NOD2: variants seen among roughly 807,000 people sequenced by gnomAD.
NOD2 encodes the protein nucleotide binding oligomerization domain containing 2.
NOD2 carries 86 observed loss-of-function variants against 90.9 expected under a neutral mutation model. The observed-to-expected ratio is 0.95, with a 90% CI of 0.79 to 1.13. The LOEUF (loss-of-function observed/expected upper bound fraction) is 1.13. NOD2 is among the 50% of genes most tolerant of loss of function. The pLI is 0.00. For synonymous variants in NOD2, 581 were observed against 554.6 expected, an observed-to-expected ratio of 1.05 and a Z score of -0.67; for missense variants, 1,238 against 1,283.8, an observed-to-expected ratio of 0.96 and a Z score of 0.55.
At chr16:50,712,408 G>A (rs1220763346) in intron 4 of NOD2, 35 bp downstream of exon 4, 1 of 1,610,784 alleles carries the variant, frequency 6.2e-7, no homozygotes, top group Non-Finnish European at 8.5e-7. Context: ...TCAGGTATGG[G>A]GGAGCACCAT....
chr16:50,706,770 C>T (rs1964212269), intron 2 of NOD2, among the ~76,000 whole-genome samples: 1 of 147,630 alleles, frequency 6.8e-6, no homozygotes, highest in African/African-American at 2.5e-5. Flanking sequence ...GATCTCGGCT[C>T]ACTGCAACCT....
At chr16:50,722,526 G>T in intron 7 of NOD2, 96 bp from the exon 8 acceptor site, 2 of 1,201,088 alleles carry the variant, frequency 1.7e-6, no homozygotes, top group Non-Finnish European at 2.5e-6. Context: ...TGCCCCTCTG[G>T]CTGGGACTGC....
chr16:50,697,090 C>T, intron 1 of NOD2: 2 of 737,734 alleles, frequency 2.7e-6, no homozygotes, highest in South Asian at 3.1e-5. Flanking sequence ...GGTTGGCCAA[C>T]TCTGGCCTCC....
Position 50,710,906 on chromosome 16 carries a change from G to A in NOD2, c.914G>A (p.Ser305Asn). The A allele has an allele frequency of 6.2e-7, 1 of 1,614,156 alleles. No homozygotes were observed. Among genetic ancestry groups the A allele is most frequent in the South Asian group, 1.1e-5 (1 of 91,086 alleles). Residue 305 changes from serine (S) to asparagine (N), a missense_variant, in exon 4 of 12, where the codon AGC (serine) becomes AAC (asparagine). Ser to Asn is a conservative substitution (Grantham distance 46). Coordinates refer to ENST00000647318, the MANE Select transcript of NOD2 (RefSeq NM_001370466.1). ...FQEFLFVFPF[S>N]CRQLQCMAKP... The stretch of plus-strand genomic sequence containing the variant: ...GAATTTCTCTTTGTCTTCCCATTCA[G>A]CTGCCGGCAGCTGCAGTGCATGGCC...
intron 10 of NOD2, chr16:50,727,864 A>G (rs1965320278): frequency 2.8e-6 from 1 of 356,884 alleles, no homozygotes; most frequent in East Asian, 7.7e-5. Context: ...AGGGGATCAG[A>G]CTAGCAGCAG....
At position 50,699,806 on chromosome 16, in the gene NOD2, C is replaced by T. The variant is rs1567381069; in HGVS notation, c.311C>T (p.Ala104Val). The change falls in exon 2 of 12, where the codon GCC (alanine) becomes GTC (valine). Residue 104 changes from alanine (A) to valine (V), a missense_variant. By Grantham distance (64) the Ala-to-Val change is moderately conservative. Transcript: ENST00000647318. ...TGGGACCCCCACTCGCTCCACCCAG[C>T]CCGAGACCTGCAGAGTCACCGGCCA... ...GCWDPHSLHP[A>V]RDLQSHRPAI... The T allele has an allele frequency of 6.2e-7, 1 of 1,613,708 alleles. No homozygotes were observed. Among genetic ancestry groups the T allele is most frequent in the South Asian group, 1.1e-5 (1 of 91,078 alleles).
chr16:50,703,482 A>C (rs1964032861), intron 2 of NOD2, among the ~76,000 whole-genome samples: 2 of 152,196 alleles, frequency 1.3e-5, no homozygotes, highest in South Asian at 4.2e-4. Flanking sequence ...TACTAAAAAT[A>C]CAAAAAATTA....
At chr16:50,703,853 G>A (rs1334342417) in intron 2 of NOD2, among the ~76,000 whole-genome samples, 1 of 152,174 alleles carries the variant, frequency 6.6e-6, no homozygotes, top group Non-Finnish European at 1.5e-5. Context: ...GAATGAGTCT[G>A]GGGAAATATT....
intron 7 of NOD2, 97 bp downstream of exon 7, chr16:50,720,105 G>A (rs1964987314): frequency 8.9e-7 from 1 of 1,122,294 alleles, no homozygotes; most frequent in Non-Finnish European, 1.3e-6. Context: ...AGGCCCCAGA[G>A]GCAGCCCAGC....
intron 3 of NOD2, among the ~76,000 whole-genome samples, chr16:50,708,795 G>A (rs1181438857): frequency 1.3e-5 from 2 of 152,254 alleles, no homozygotes; most frequent in African/African-American, 2.4e-5. Flanking sequence ...CAGCAAGCAA[G>A]CCTGTGGGCG....
chr16:50,712,417 A>AT, intron 4 of NOD2, 44 bp downstream of exon 4: 1 of 1,609,316 alleles, frequency 6.2e-7, no homozygotes, highest in East Asian at 2.2e-5. Context: ...GGGGAGCACC[A>AT]TCAAGGCTAA....
intron 4 of NOD2, among the ~76,000 whole-genome samples, chr16:50,714,645 T>TGAGA (rs891785149): frequency 7.7e-6 from 1 of 129,102 alleles, no homozygotes; most frequent in African/African-American, 2.7e-5. Context: ...TGTGTGTGTA[T>TGAGA]GAGAGAGAGA....
chr16:50,711,126 C>G lies in NOD2; in HGVS notation c.1134C>G (p.Thr378=). The change falls in exon 4 of 12, where the codon ACC becomes ACG. Residue 378 remains threonine (T), a synonymous_variant. Transcript: ENST00000647318. ...CSPTDPTSVQ[T]LLFNLLQGNL... Reference sequence around the variant, plus strand: ...CGACCGACCCCACCTCTGTCCAGACCCTGCTCTTCAACCTTCTGCAGGGCA... The same window carrying G: ...CGACCGACCCCACCTCTGTCCAGACGCTGCTCTTCAACCTTCTGCAGGGCA... The G allele has an allele frequency of 6.2e-7, 1 of 1,614,160 alleles. No individual in the cohort carries two copies. The highest frequency in any genetic ancestry group is 8.5e-7 in the Non-Finnish European group (1 of 1,180,016).
Position 50,714,404 on chromosome 16 carries a change from A to G in NOD2, c.2381+2031A>G, listed in dbSNP as rs140828549. Among the ~76,000 whole-genome samples the G allele has an allele frequency of 4.2e-3, 646 of 152,264 alleles. 8 individuals are homozygous for G. Among genetic ancestry groups the G allele is most frequent in the African/African-American group, 0.014 (594 of 41,534 alleles). ...GTTTGGGGTGGGGCCCAGGAAATCT[A>G]TATTTTTCACAGACACCCCTGGTGA... is the stretch of plus-strand genomic sequence containing the variant. On this transcript the variant is annotated intron_variant, in intron 4 of 11. Coordinates refer to ENST00000647318, the MANE Select transcript of NOD2 (RefSeq NM_001370466.1).
Position 50,699,753 on chromosome 16 carries a change from C to T in NOD2, c.258C>T (p.Asp86=), listed in dbSNP as rs138889062. Residue 86 remains aspartate (D), a synonymous_variant, in exon 2 of 12, where the codon GAC becomes GAT. Coordinates refer to ENST00000647318, the MANE Select transcript of NOD2 (RefSeq NM_001370466.1). ...CGGCTGCCCAAGAAGCCCAGGCCGA[C>T]AGCCAGTCCCCCAAGCTGCATGGCT... ...LIAAAQEAQA[D]SQSPKLHGCW... The T allele has an allele frequency of 8.7e-5, 140 of 1,614,002 alleles. No individual in the cohort carries two copies. The African/African-American group carries it at 1.2e-3, about 13-fold the overall frequency.
At chr16:50,726,212 C>G (rs1182745495) in intron 10 of NOD2, among the ~76,000 whole-genome samples, 5 of 150,414 alleles carry the variant, frequency 3.3e-5, no homozygotes, top group African/African-American at 1.3e-4. Context: ...TAGTGACCAT[C>G]ATGGGTTTGT....
chr16:50,694,799 C>T (rs563357868), intron 1 of NOD2, among the ~76,000 whole-genome samples: 1 of 152,162 alleles, frequency 6.6e-6, no homozygotes, highest in African/African-American at 2.4e-5. Flanking sequence ...TCAGACAAAA[C>T]CCCCTGCCCT....
At chr16:50,727,617 G>C (rs1965311977) in intron 10 of NOD2, 1 of 299,984 alleles carries the variant, frequency 3.3e-6, no homozygotes. Flanking sequence ...TTGAAGAAAT[G>C]GTAGTCAGTT....
In NOD2 at chr16:50,712,335, G is replaced by A; in HGVS notation, c.2343G>A (p.Glu781=). ...DYNSVGDIGV[E]QLLPCLGVCK... ...ACTCTGTGGGTGACATTGGCGTGGA[G>A]CAGCTGCTGCCTTGCCTTGGTGTCT... is the stretch of plus-strand genomic sequence containing the variant. The change falls in exon 4 of 12, where the codon GAG becomes GAA. Residue 781 remains glutamate, a synonymous_variant. Coordinates refer to ENST00000647318, the MANE Select transcript of NOD2 (RefSeq NM_001370466.1). 6.2e-7 allele frequency: 1 copy of A among 1,614,010 alleles called. No individual in the cohort carries two copies. The highest frequency in any genetic ancestry group is 8.5e-7 in the Non-Finnish European group (1 of 1,180,028).
Sources: allele counts gnomAD v4.1 joint callset (sites outside exome capture counted in the v4.1 genomes callset), GRCh38; gene constraint gnomAD v4.1.1; transcripts MANE v1.5; gene names NCBI Gene and HGNC (gene_info 2026-07-23, HGNC 2026-07-21).